STX8: variants seen among roughly 807,000 people sequenced by gnomAD.
STX8 encodes syntaxin 8, also known as syntaxin-8.
Under a neutral mutation model 37.5 loss-of-function variants are expected in STX8, and 23 were observed. The ratio of observed to expected loss-of-function variants is 0.61; its 90% CI spans 0.44 to 0.87. The LOEUF is 0.87. STX8 is among the 40% of genes least tolerant of loss of function. The pLI, the probability that STX8 is intolerant of heterozygous loss-of-function variation, is 0.00. For synonymous variants in STX8, 115 were observed against 99.1 expected (o/e 1.16, Z -0.95); for missense variants, 313 against 284.7 (o/e 1.10, Z -0.71).
At chr17:9,530,032 G>A (rs1196645232) in intron 4 of STX8, among the ~76,000 whole-genome samples, 1 of 152,120 alleles carries the variant, frequency 6.6e-6, no homozygotes, top group African/African-American at 2.4e-5. Context: ...GCTAGGCCGG[G>A]CGCAGTGGCT....
Position 9,250,614 on chromosome 17 carries a change from C to T in STX8, c.675G>A (p.Val225=), listed in dbSNP as rs1458720515. The change falls in exon 8 of 8, where the codon GTG becomes GTA. Residue 225 remains valine, a synonymous_variant. Coordinates refer to ENST00000306357, the MANE Select transcript of STX8 (RefSeq NM_004853.3). Reference sequence around the variant, plus strand: ...GCCAGACTGCAACAACCACGATAGCCACAAGCAGCAGTAAAATCACCATGA... The same window carrying T: ...GCCAGACTGCAACAACCACGATAGCTACAAGCAGCAGTAAAATCACCATGA... ...GMIMVILLLL[V]AIVVVAVWPT... 6.2e-7 allele frequency: 1 copy of T among 1,600,630 alleles called. No individual in the cohort carries two copies. The highest frequency in any genetic ancestry group is 8.5e-7 in the Non-Finnish European group (1 of 1,173,900).
chr17:9,565,608 G>A (rs1460577331), intron 2 of STX8, among the ~76,000 whole-genome samples: 3 of 60,754 alleles, frequency 4.9e-5, no homozygotes, highest in Non-Finnish European at 9.5e-5. Context: ...AAGAAACACC[G>A]TCTCAAAAAA....
chr17:9,279,405 G>A (rs1485600068), intron 7 of STX8, among the ~76,000 whole-genome samples: 2 of 152,082 alleles, frequency 1.3e-5, no homozygotes, highest in African/African-American at 4.8e-5. Flanking sequence ...TATTATTAAT[G>A]AACCTGACGC....
intron 4 of STX8, among the ~76,000 whole-genome samples, chr17:9,520,364 T>C (rs1222935490): frequency 6.6e-6 from 1 of 152,204 alleles, no homozygotes; most frequent in African/African-American, 2.4e-5. Context: ...ACCTTGTAGC[T>C]CAGCCTCACT....
At chr17:9,481,894 G>A (rs550110148) in intron 6 of STX8, among the ~76,000 whole-genome samples, 2 of 152,276 alleles carry the variant, frequency 1.3e-5, no homozygotes, top group East Asian at 3.9e-4. Flanking sequence ...AGGTTTAACA[G>A]TTTCGTCCTG....
intron 7 of STX8, among the ~76,000 whole-genome samples, chr17:9,285,920 C>G (rs1249154753): frequency 2.6e-5 from 4 of 152,172 alleles, no homozygotes; most frequent in Non-Finnish European, 1.5e-5. Flanking sequence ...TTACTCAATA[C>G]TTCTGAAAAA....
intron 4 of STX8, among the ~76,000 whole-genome samples, chr17:9,524,879 CTT>C (rs779671261): frequency 1.1e-4 from 17 of 151,328 alleles, no homozygotes; most frequent in Non-Finnish European, 2.4e-4. Flanking sequence ...ACAATCTTGA[CTT>C]ACTGCAACCT....
chr17:9,535,424 C>CTTTTTTTTTTTTTTTTTTTTT lies in STX8; in HGVS notation c.323+9727_323+9747dup, dbSNP rs35962202. Among the ~76,000 whole-genome samples, 69 of 51,564 alleles carry CTTTTTTTTTTTTTTTTTTTTT rather than the reference C, an allele frequency of 1.3e-3. 14 individuals carry two copies. Among genetic ancestry groups the CTTTTTTTTTTTTTTTTTTTTT allele is most frequent in the East Asian group, 3.3e-3 (4 of 1,206 alleles). The allele number at this position is 51,564 out of a possible 152,430, so 33.8% of individuals were successfully genotyped here. A position where few individuals can be genotyped will look rare whatever the true frequency, so the allele number is the denominator to read the frequency against. ...CATACCCTCTGACCCAGCCATCCTA[C>CTTTTTTTTTTTTTTTTTTTTT]TTTTTTTTTTTTTTTTTTTTTTTTT... On this transcript the variant is annotated intron_variant, in intron 4 of 7. Coordinates refer to ENST00000306357, the MANE Select transcript of STX8 (RefSeq NM_004853.3).
chr17:9,504,906 G>A lies in STX8; in HGVS notation c.448+132C>T, dbSNP rs1475322505. 1.3e-5 allele frequency: 11 copies of A among 867,608 alleles called. No homozygotes were observed. The Admixed American group carries it at 3.4e-4, about 27-fold the overall frequency. 53.7% of individuals were successfully genotyped at this position (867,608 alleles called of 1,614,324 possible). A position where few individuals can be genotyped will look rare whatever the true frequency, so the allele number is the denominator to read the frequency against. ...GGAGAATCGTTTGAACCCGGGAGGT[G>A]GAGGTTGCAGTGAGCCAAGATCACG... On this transcript the variant is annotated intron_variant, in intron 5 of 7. Coordinates refer to ENST00000306357, the MANE Select transcript of STX8 (RefSeq NM_004853.3).
chr17:9,324,999 T>C (rs539500205), intron 7 of STX8, among the ~76,000 whole-genome samples: 1 of 152,296 alleles, frequency 6.6e-6, no homozygotes, highest in East Asian at 1.9e-4. Flanking sequence ...TCTCTTGTGA[T>C]GCCAGGTGGC....
chr17:9,325,850 C>T (rs1909735345), intron 7 of STX8, among the ~76,000 whole-genome samples: 1 of 152,224 alleles, frequency 6.6e-6, no homozygotes, highest in Admixed American at 6.5e-5. Flanking sequence ...TAGAGCGTGG[C>T]CAGCCAGGTG....
chr17:9,479,123 T>C (rs977250605), intron 6 of STX8, among the ~76,000 whole-genome samples: 1 of 152,170 alleles, frequency 6.6e-6, no homozygotes, highest in African/African-American at 2.4e-5. Flanking sequence ...GTTGAATGGA[T>C]AAACACCCCC....
At chr17:9,411,987 G>T (rs959783934) in intron 6 of STX8, among the ~76,000 whole-genome samples, 1 of 152,072 alleles carries the variant, frequency 6.6e-6, no homozygotes, top group Non-Finnish European at 1.5e-5. Context: ...AGCTATAAAA[G>T]AATACAAGTA....
At chr17:9,338,085 C>G (rs1453175711) in intron 7 of STX8, among the ~76,000 whole-genome samples, 1 of 135,348 alleles carries the variant, frequency 7.4e-6, no homozygotes. Flanking sequence ...TGGAGTCTCA[C>G]TCTTGTCGCC....
intron 6 of STX8, among the ~76,000 whole-genome samples, chr17:9,448,544 TTACG>T (rs1567565358): frequency 6.6e-6 from 1 of 151,962 alleles, no homozygotes; most frequent in East Asian, 1.9e-4. Context: ...GCAATGTGCG[TTACG>T]GAGAAAATAC....
intron 6 of STX8, among the ~76,000 whole-genome samples, chr17:9,442,839 A>T (rs1306702255): frequency 6.6e-6 from 1 of 152,166 alleles, no homozygotes; most frequent in East Asian, 1.9e-4. Flanking sequence ...GGTGTGGTAT[A>T]TTATTAGCAG....
chr17:9,271,445 C>A (rs1907455252), intron 7 of STX8, among the ~76,000 whole-genome samples: 1 of 149,682 alleles, frequency 6.7e-6, no homozygotes, highest in South Asian at 2.1e-4. Context: ...AGAGTGAGAC[C>A]CTGTCTCAAA....
intron 6 of STX8, among the ~76,000 whole-genome samples, chr17:9,430,131 AAAAT>A (rs1349566019): frequency 1.9e-5 from 2 of 103,974 alleles, no homozygotes; most frequent in East Asian, 4.5e-4. Context: ...ATATAAATAT[AAAAT>A]ATATATAATT....
At chr17:9,335,848 C>CG (rs1910123250) in intron 7 of STX8, among the ~76,000 whole-genome samples, 2 of 122,416 alleles carry the variant, frequency 1.6e-5, no homozygotes, top group Non-Finnish European at 3.9e-5. Flanking sequence ...CACACACACA[C>CG]TCACACTCAC....
Sources: allele counts gnomAD v4.1 joint callset (sites outside exome capture counted in the v4.1 genomes callset), GRCh38; gene constraint gnomAD v4.1.1; transcripts MANE v1.5; gene names NCBI Gene and HGNC (gene_info 2026-07-23, HGNC 2026-07-21).